Variants in WDR59 observed in about 807,000 individuals in gnomAD.
WDR59 encodes the protein WD repeat domain 59.
A neutral mutation model predicts 131.2 loss-of-function variants in WDR59; 100 were observed. That is an observed-to-expected ratio of 0.76 (90% confidence interval 0.65 to 0.90). The LOEUF (loss-of-function observed/expected upper bound fraction) is 0.90, where lower values mean the gene tolerates loss of function less well. Among genes scored for constraint, WDR59 ranks in the 40% least tolerant of loss-of-function variants. WDR59 has a pLI of 0.00. For missense variants in WDR59, 1,203 were observed against 1,262.2 expected (o/e 0.95, Z 0.71); for synonymous variants, 601 against 466.2 (o/e 1.29, Z -3.72).
intron 14 of WDR59, among the ~76,000 whole-genome samples, chr16:74,911,381 T>C (rs1966079353): frequency 6.6e-6 from 1 of 152,176 alleles, no homozygotes; most frequent in Non-Finnish European, 1.5e-5. Flanking sequence ...CCCAACAAGG[T>C]GGAACAATCA....
chr16:74,984,730 C>T (rs1337874271), intron 1 of WDR59: 1 of 584,338 alleles, frequency 1.7e-6, no homozygotes, highest in Non-Finnish European at 3.0e-6. Flanking sequence ...AAGGCGGACC[C>T]CACTCCCCTA....
intron 3 of WDR59, among the ~76,000 whole-genome samples, chr16:74,955,633 T>C (rs1351346796): frequency 1.3e-5 from 2 of 152,132 alleles, no homozygotes; most frequent in African/African-American, 4.8e-5. Flanking sequence ...AGGGCGGCTT[T>C]CTGTTCCTTC....
chr16:74,921,872 T>A, intron 10 of WDR59, 75 bp downstream of exon 10: 1 of 1,525,796 alleles, frequency 6.6e-7, no homozygotes, highest in Non-Finnish European at 8.8e-7. Flanking sequence ...TTTACTGGAC[T>A]CCATGGCAAC....
intron 8 of WDR59, among the ~76,000 whole-genome samples, chr16:74,929,277 G>C (rs2031164934): frequency 6.6e-6 from 1 of 152,066 alleles, no homozygotes; most frequent in Non-Finnish European, 1.5e-5. Context: ...GGGTTTCACT[G>C]TGTTAGCCAG....
intron 21 of WDR59, 80 bp downstream of exon 21, chr16:74,889,623 T>C (rs1964942177): frequency 1.8e-6 from 2 of 1,104,232 alleles, no homozygotes; most frequent in Non-Finnish European, 2.7e-6. Context: ...CACCTTTCTC[T>C]TAGGTGGTGA....
At chr16:74,899,034 C>T (rs965033742) in intron 18 of WDR59, among the ~76,000 whole-genome samples, 7 of 152,094 alleles carry the variant, frequency 4.6e-5, no homozygotes, top group Admixed American at 3.3e-4. Flanking sequence ...CCTTGCACAG[C>T]GTGAGGTCAC....
At chr16:74,884,065 C>G (rs1964642800) in intron 25 of WDR59, among the ~76,000 whole-genome samples, 1 of 152,328 alleles carries the variant, frequency 6.6e-6, no homozygotes, top group Non-Finnish European at 1.5e-5. Context: ...CATCTTTCTT[C>G]CTGATCCCAC....
chr16:74,945,679 G>A (rs1025440159), intron 6 of WDR59, among the ~76,000 whole-genome samples: 2 of 151,958 alleles, frequency 1.3e-5, no homozygotes, highest in Non-Finnish European at 1.5e-5. Context: ...AGAAGCACAG[G>A]GGTTTGATTC....
At chr16:74,981,493 G>C (rs1838969596) in intron 1 of WDR59, among the ~76,000 whole-genome samples, 1 of 150,028 alleles carries the variant, frequency 6.7e-6, no homozygotes, top group African/African-American at 2.4e-5. Flanking sequence ...ATAAGGTTGA[G>C]GCTGAGGTGA....
intron 1 of WDR59, among the ~76,000 whole-genome samples, chr16:74,968,751 G>A (rs948338838): frequency 2.0e-5 from 3 of 151,560 alleles, no homozygotes; most frequent in Non-Finnish European, 4.4e-5. Flanking sequence ...AAACAAAAAC[G>A]GCAAATAGAC....
intron 4 of WDR59, among the ~76,000 whole-genome samples, chr16:74,951,224 G>A (rs1003282050): frequency 2.0e-5 from 3 of 151,064 alleles, no homozygotes; most frequent in Admixed American, 6.6e-5. Context: ...ATATCCATCC[G>A]GGATATGGTC....
chr16:74,958,899 TA>T (rs974758387), intron 2 of WDR59, among the ~76,000 whole-genome samples: 8 of 147,968 alleles, frequency 5.4e-5, no homozygotes, highest in South Asian at 2.1e-4. Flanking sequence ...CCCTGACTAA[TA>T]AAAAAAAAAT....
At chr16:74,949,350 A>G (rs1371002115) in intron 5 of WDR59, among the ~76,000 whole-genome samples, 1 of 148,746 alleles carries the variant, frequency 6.7e-6, no homozygotes, top group Non-Finnish European at 1.5e-5. Context: ...AAAAAAAAAA[A>G]AAAAGAAAGG....
At chr16:74,937,645 G>C (rs2031909174) in intron 8 of WDR59, among the ~76,000 whole-genome samples, 2 of 152,090 alleles carry the variant, frequency 1.3e-5, no homozygotes, top group African/African-American at 4.8e-5. Flanking sequence ...GGAATTACAG[G>C]TGTGCGCCAC....
intron 5 of WDR59, 116 bp from the exon 6 acceptor site, chr16:74,948,672 T>C (rs2032801035): frequency 2.3e-6 from 2 of 861,260 alleles, no homozygotes; most frequent in South Asian, 1.4e-5. Context: ...TTGGAGTAGG[T>C]AGATCCGCTG....
chr16:74,949,630 G>C, intron 5 of WDR59, 88 bp downstream of exon 5: 2 of 1,199,660 alleles, frequency 1.7e-6, no homozygotes, highest in South Asian at 2.6e-5. Flanking sequence ...TCTGTATCGA[G>C]GGGAAACCAA....
intron 21 of WDR59, among the ~76,000 whole-genome samples, chr16:74,889,021 C>T (rs546039086): frequency 1.2e-3 from 189 of 152,278 alleles, no homozygotes; most frequent in African/African-American, 4.4e-3. Flanking sequence ...GAGTCTTACA[C>T]GAAATAAGTA....
chr16:74,949,724 T>A lies in WDR59; in HGVS notation c.401A>T (p.Asp134Val). The part of the protein sequence containing the change: ...SSVDTYIYIW[D>V]IKDTRKPTVA... ...GCCTCCTAATTGTTCTTACTTGATA[T>A]CCCAAATGTAGATGTAGGTGTCCAC... Residue 134 changes from aspartate to valine, a missense_variant, in exon 5 of 26, where the codon GAT (aspartate) becomes GTT (valine). Physicochemically the swap from Asp to Val is radical, Grantham distance 152 (BLOSUM62 -3). Coordinates refer to ENST00000262144, the MANE Select transcript of WDR59 (RefSeq NM_030581.4). 6.2e-7 allele frequency: 1 copy of A among 1,613,716 alleles called. No homozygotes were observed. The highest frequency in any genetic ancestry group is 1.3e-5 in the African/African-American group (1 of 74,986).
intron 1 of WDR59, among the ~76,000 whole-genome samples, chr16:74,984,391 T>G (rs951339966): frequency 6.6e-6 from 1 of 151,718 alleles, no homozygotes; most frequent in Non-Finnish European, 1.5e-5. Flanking sequence ...GTGTACGGAG[T>G]GATGACAGGG....
Sources: gnomAD v4.1 joint callset for allele counts (sites outside exome capture counted in the v4.1 genomes callset) on GRCh38, gnomAD v4.1.1 for gene constraint, MANE v1.5 for transcripts, NCBI Gene and HGNC (gene_info 2026-07-23, HGNC 2026-07-21) for gene names.